The following KIDINS220 variants were observed in gnomAD, a reference collection of about 807,000 sequenced individuals.
The protein encoded by KIDINS220 is kinase D interacting substrate 220, also known as kinase D-interacting substrate of 220 kDa.
Under a neutral mutation model 157.6 loss-of-function variants are expected in KIDINS220, and 63 were observed. The ratio of observed to expected loss-of-function variants is 0.40; its 90% CI spans 0.33 to 0.49. The LOEUF is 0.49. KIDINS220 is among the 20% of genes least tolerant of loss of function. The pLI is 0.66. For missense variants in KIDINS220, 1,772 were observed against 2,171.2 expected, an observed-to-expected ratio of 0.82 and a Z score of 3.65; for synonymous variants, 732 against 783.6, an observed-to-expected ratio of 0.93 and a Z score of 1.10.
At chr2:8,746,559 C>T (rs1340742139) in intron 26 of KIDINS220, 1 of 150,092 alleles carries the variant, frequency 6.7e-6, no homozygotes, top group Non-Finnish European at 1.5e-5. Flanking sequence ...ACATGCTGAA[C>T]GATCTTCTGT....
chr2:8,743,544 G>C (rs1035480539), intron 26 of KIDINS220, among the ~76,000 whole-genome samples: 1 of 152,188 alleles, frequency 6.6e-6, no homozygotes, highest in African/African-American at 2.4e-5. Context: ...CCAAGGCAAA[G>C]AGCTCATCAC....
downstream of KIDINS220, chr2:8,722,240 A>G (rs868254709): frequency 4.6e-5 from 7 of 152,270 alleles, no homozygotes; most frequent in Non-Finnish European, 8.8e-5. Flanking sequence ...AAGTCAGAAT[A>G]CAAAAAGAAA....
intron 5 of KIDINS220, 71 bp from the exon 6 acceptor site, chr2:8,812,564 A>G: frequency 2.7e-6 from 2 of 731,530 alleles, no homozygotes; most frequent in Non-Finnish European, 4.3e-6. Context: ...GGAAGGAGGG[A>G]GGGAGGGAAG....
chr2:8,748,125 A>C (rs773849381), intron 24 of KIDINS220, 125 bp from the exon 25 acceptor site: 2 of 461,796 alleles, frequency 4.3e-6, no homozygotes, highest in Admixed American at 4.4e-5. Context: ...AAACAAAAGA[A>C]AAAAAAGCCT....
chr2:8,757,146 AC>A (rs1353726451), intron 22 of KIDINS220: 17 of 447,706 alleles, frequency 3.8e-5, no homozygotes, highest in Non-Finnish European at 4.7e-5. Context: ...TAAGATATTT[AC>A]TAGTGTTTAT....
chr2:8,772,772 T>A (rs1670404398), intron 21 of KIDINS220, among the ~76,000 whole-genome samples: 2 of 152,208 alleles, frequency 1.3e-5, no homozygotes, highest in African/African-American at 4.8e-5. Context: ...AATATTTATC[T>A]ACTAAAACCT....
At chr2:8,745,305 T>C (rs1196219917) in intron 26 of KIDINS220, among the ~76,000 whole-genome samples, 1 of 152,220 alleles carries the variant, frequency 6.6e-6, no homozygotes, top group African/African-American at 2.4e-5. Flanking sequence ...TTGCATATAG[T>C]GATGATGACC....
intron 22 of KIDINS220, among the ~76,000 whole-genome samples, chr2:8,769,456 C>T (rs1354879651): frequency 6.6e-6 from 1 of 152,156 alleles, no homozygotes; most frequent in Non-Finnish European, 1.5e-5. Flanking sequence ...TTTTATGACA[C>T]ATTTTTATTT....
At chr2:8,733,372 C>A in intron 29 of KIDINS220, 72 bp downstream of exon 29, 4 of 1,248,248 alleles carry the variant, frequency 3.2e-6, no homozygotes, top group Non-Finnish European at 4.6e-6. Flanking sequence ...TGTCTAAATG[C>A]CCATATAATC....
chr2:8,785,290 CAGA>C (rs1203776162), intron 17 of KIDINS220, among the ~76,000 whole-genome samples: 2 of 152,040 alleles, frequency 1.3e-5, no homozygotes, highest in Non-Finnish European at 2.9e-5. Flanking sequence ...AGGTGAAGCA[CAGA>C]AGATTTTGAG....
intron 3 of KIDINS220, 53 bp downstream of exon 3, chr2:8,818,642 A>C: frequency 8.8e-7 from 1 of 1,134,528 alleles, no homozygotes; most frequent in Non-Finnish European, 1.3e-6. Flanking sequence ...AAAAACAAAA[A>C]AATAGCTAAG....
chr2:8,747,227 G>A (rs771854806), intron 25 of KIDINS220, 26 bp from the exon 26 acceptor site: 1 of 1,608,486 alleles, frequency 6.2e-7, no homozygotes, highest in Non-Finnish European at 8.5e-7. Flanking sequence ...AGGAGAGTGT[G>A]GGTGAAAAGG....
At chr2:8,734,226 GT>G (rs1664563186) in intron 28 of KIDINS220, among the ~76,000 whole-genome samples, 2 of 152,130 alleles carry the variant, frequency 1.3e-5, no homozygotes, top group African/African-American at 4.8e-5. Flanking sequence ...GGGTGGGGGG[GT>G]TAGTGAGGCG....
At chr2:8,805,528 T>C (rs1304742054) in intron 7 of KIDINS220, among the ~76,000 whole-genome samples, 2 of 152,180 alleles carry the variant, frequency 1.3e-5, no homozygotes, top group African/African-American at 4.8e-5. Context: ...TCTTTATCAC[T>C]CTGGAACTGA....
chr2:8,776,938 TA>T, intron 20 of KIDINS220, 46 bp from the exon 21 acceptor site: 1 of 1,575,026 alleles, frequency 6.3e-7, no homozygotes, highest in Non-Finnish European at 8.6e-7. Context: ...GCGTCCAGTC[TA>T]AGAACTTAAG....
rs543265599 is a variant in KIDINS220, at chr2:8,787,163, T to C, written c.1788-806A>G. Among the ~76,000 whole-genome samples the C allele has an allele frequency of 3.3e-5, 5 of 152,246 alleles. No individual in the cohort carries two copies. In the East Asian group the frequency reaches 9.6e-4, roughly 29 times the overall value. ...GGTTTCCTTATTTTCTGTAAAAATA[T>C]TCCCCCAATTATTTTATTCTGTTTT... On this transcript the variant is annotated intron_variant, in intron 15 of 29. Transcript: ENST00000256707.
At position 8,806,359 on chromosome 2, in the gene KIDINS220, G is replaced by C. The variant is rs745361889; in HGVS notation, c.515C>G (p.Thr172Ser). Residue 172 changes from threonine to serine, a missense_variant, in exon 7 of 30, where the codon ACC (threonine) becomes AGC (serine). Thr to Ser is a moderately conservative substitution (Grantham distance 58, BLOSUM62 1). This residue lies in a region of KIDINS220 where 254 missense variants were observed against 268.6 expected (regional missense o/e 0.95). Transcript: ENST00000256707. ...KVNCSDKYGT[T>S]PLVWAARKGH... ...CTTTCGTGCAGCCCAAACTAAAGGGGTGGTTCCATACTATTAAAACAAACA... is the reference window on the plus strand; with the variant it reads ...CTTTCGTGCAGCCCAAACTAAAGGGCTGGTTCCATACTATTAAAACAAACA... The C allele has an allele frequency of 1.6e-5, 26 of 1,603,782 alleles. No individual in the cohort carries two copies. The highest frequency in any genetic ancestry group is 2.7e-5 in the African/African-American group (2 of 74,628).
chr2:8,729,852 C>T lies in KIDINS220; in HGVS notation c.*868G>A. ...AAATATTTATTAGTACCTATTATTA[C>T]CCATGTCTCCCTGATTTTCCAGAAA... On this transcript the variant is annotated 3_prime_UTR_variant, in exon 30 of 30. Transcript: ENST00000256707. The T allele has an allele frequency of 5.1e-6, 5 of 983,824 alleles. No individual in the cohort carries two copies. The highest frequency in any genetic ancestry group is 6.0e-6 in the Non-Finnish European group (5 of 828,518). The allele number at this position is 983,824 out of a possible 1,614,324, so 60.9% of individuals were successfully genotyped here. A position where few individuals can be genotyped will look rare whatever the true frequency, so the allele number is the denominator to read the frequency against.
chr2:8,828,710 C>G (rs73151247), intron 1 of KIDINS220, among the ~76,000 whole-genome samples: 11,513 of 152,186 alleles, frequency 0.076, 1,477 homozygotes, highest in African/African-American at 0.26. Context: ...AACCAGAGTT[C>G]GTCAAAATTG....
Sources: gnomAD v4.1 joint callset for allele counts (sites outside exome capture counted in the v4.1 genomes callset) on GRCh38, gnomAD v4.1.1 for gene constraint, gnomAD v4.1.1 regional missense constraint, MANE v1.5 for transcripts, NCBI Gene and HGNC (gene_info 2026-07-23, HGNC 2026-07-21) for gene names.